The following C12orf56 variants were observed in gnomAD, a reference collection of about 807,000 sequenced individuals.
C12orf56 encodes uncharacterized protein C12orf56.
Under a neutral mutation model 69.9 loss-of-function variants are expected in C12orf56, and 71 were observed. The observed-to-expected ratio is 1.02, with a 90% CI of 0.84 to 1.24. C12orf56 has a LOEUF of 1.24. Among genes scored for constraint, C12orf56 ranks in the 50% most tolerant of loss-of-function variants. The pLI is 0.00. For synonymous variants in C12orf56, 276 were observed against 274.1 expected, an observed-to-expected ratio of 1.01 and a Z score of -0.07; for missense variants, 732 against 738.5, an observed-to-expected ratio of 0.99 and a Z score of 0.10.
chr12:64,347,178 A>G (rs1020182031), intron 2 of C12orf56, among the ~76,000 whole-genome samples: 6 of 151,522 alleles, frequency 4.0e-5, no homozygotes, highest in African/African-American at 1.5e-4. Context: ...GGGTTTTACC[A>G]TGTTGGCCAG....
chr12:64,310,019 T>A (rs1592441043), intron 5 of C12orf56, among the ~76,000 whole-genome samples: 2 of 149,442 alleles, frequency 1.3e-5, no homozygotes, highest in East Asian at 4.0e-4. Context: ...CTTTTTTTTT[T>A]AAATCTCTTT....
chr12:64,342,651 A>G (rs2039089779), intron 2 of C12orf56, among the ~76,000 whole-genome samples: 1 of 152,126 alleles, frequency 6.6e-6, no homozygotes, highest in South Asian at 2.1e-4. Flanking sequence ...GATCCACTTT[A>G]TGGCTAGATG....
At chr12:64,345,639 T>G (rs904166810) in intron 2 of C12orf56, among the ~76,000 whole-genome samples, 2 of 152,204 alleles carry the variant, frequency 1.3e-5, no homozygotes, top group African/African-American at 4.8e-5. Context: ...GCTCTTTCAC[T>G]ATAGGAGATA....
chr12:64,340,800 G>A (rs1431291296), intron 2 of C12orf56, among the ~76,000 whole-genome samples: 2 of 152,152 alleles, frequency 1.3e-5, no homozygotes, highest in African/African-American at 4.8e-5. Context: ...TACCCATTCT[G>A]TATTCTTTTT....
At chr12:64,341,604 C>G (rs1306872199) in intron 2 of C12orf56, among the ~76,000 whole-genome samples, 1 of 152,076 alleles carries the variant, frequency 6.6e-6, no homozygotes, top group Non-Finnish European at 1.5e-5. Flanking sequence ...TGTGGAATAC[C>G]ATGAAGGTGG....
At chr12:64,386,285 C>G (rs996614730) in intron 1 of C12orf56, among the ~76,000 whole-genome samples, 1 of 151,884 alleles carries the variant, frequency 6.6e-6, no homozygotes, top group South Asian at 2.1e-4. Context: ...GCAATCTTGG[C>G]TCACTGCAAC....
At chr12:64,287,068 C>T (rs111901229) in intron 6 of C12orf56, among the ~76,000 whole-genome samples, 2,890 of 152,002 alleles carry the variant, frequency 0.019, 85 homozygotes, top group African/African-American at 0.066. Context: ...AAAACCCCGT[C>T]TCTACTAAAA....
chr12:64,312,847 C>G (rs1283107400), intron 4 of C12orf56, 95 bp from the exon 5 acceptor site: 2 of 870,360 alleles, frequency 2.3e-6, no homozygotes, highest in Non-Finnish European at 3.6e-6. Flanking sequence ...ATTCTTTAAG[C>G]CCTCCTATAG....
intron 2 of C12orf56, 45 bp downstream of exon 2, chr12:64,352,849 C>CT (rs374374909): frequency 0.012 from 15,197 of 1,297,412 alleles, 26 homozygotes; most frequent in Non-Finnish European, 0.013. Flanking sequence ...TATATATATA[C>CT]TTTTTTTTTT....
At chr12:64,350,612 G>A (rs2039209708) in intron 2 of C12orf56, among the ~76,000 whole-genome samples, 1 of 152,130 alleles carries the variant, frequency 6.6e-6, no homozygotes, top group Non-Finnish European at 1.5e-5. Flanking sequence ...GGTGAGTAAA[G>A]AATATCACTT....
intron 5 of C12orf56, among the ~76,000 whole-genome samples, chr12:64,307,387 T>TTTG (rs2038528262): frequency 6.7e-6 from 1 of 149,354 alleles, no homozygotes; most frequent in Admixed American, 6.7e-5. Flanking sequence ...TTTTTTTTTT[T>TTTG]GAGACGGAGT....
At chr12:64,368,378 G>A (rs1166783703) in intron 1 of C12orf56, among the ~76,000 whole-genome samples, 1 of 151,940 alleles carries the variant, frequency 6.6e-6, no homozygotes, top group African/African-American at 2.4e-5. Context: ...CTTGTGTGGT[G>A]GCAAATTTCT....
At chr12:64,308,964 A>G (rs1385667323) in intron 5 of C12orf56, among the ~76,000 whole-genome samples, 1 of 121,594 alleles carries the variant, frequency 8.2e-6, no homozygotes, top group East Asian at 2.3e-4. Flanking sequence ...AGAAAGAAAG[A>G]AAGAAAGAAA....
In C12orf56 at chr12:64,270,607, G is replaced by T. The variant is rs1259816828; in HGVS notation, c.1692C>A (p.Ile564=). Reference sequence around the variant, plus strand: ...TGCTGTGCCGCAGACAGCTCTTGAGGATGTAAAATTGCTGGTACAACAGAA... The same window carrying T: ...TGCTGTGCCGCAGACAGCTCTTGAGTATGTAAAATTGCTGGTACAACAGAA... ...QAVLLYQQFY[I]LKSCLRHSRT... Residue 564 remains isoleucine, a synonymous_variant, in exon 12 of 13, where the codon ATC becomes ATA. Coordinates refer to ENST00000543942, the MANE Select transcript of C12orf56 (RefSeq NM_001170633.2). The T allele has an allele frequency of 1.9e-6, 3 of 1,613,658 alleles. No individual in the cohort carries two copies. The highest frequency in any genetic ancestry group is 2.5e-6 in the Non-Finnish European group (3 of 1,179,802).
chr12:64,337,591 T>C (rs2039012460), intron 2 of C12orf56, among the ~76,000 whole-genome samples: 1 of 152,184 alleles, frequency 6.6e-6, no homozygotes, highest in Admixed American at 6.6e-5. Flanking sequence ...GCACAGTGGC[T>C]CATGCCTGTA....
chr12:64,327,621 C>T (rs1176226038), intron 3 of C12orf56, among the ~76,000 whole-genome samples: 1 of 152,174 alleles, frequency 6.6e-6, no homozygotes, highest in Non-Finnish European at 1.5e-5. Flanking sequence ...TGGTACCACA[C>T]AAATGCCAGT....
chr12:64,339,278 A>C (rs1468218559), intron 2 of C12orf56, among the ~76,000 whole-genome samples: 1 of 152,206 alleles, frequency 6.6e-6, no homozygotes, highest in African/African-American at 2.4e-5. Context: ...GGTAGGGGAA[A>C]AGTCTTTCCT....
intron 9 of C12orf56, among the ~76,000 whole-genome samples, chr12:64,277,292 A>C (rs997289905): frequency 1.3e-5 from 2 of 152,048 alleles, no homozygotes; most frequent in Non-Finnish European, 2.9e-5. Flanking sequence ...GTTAACCCTA[A>C]AATCTCTAAG....
At chr12:64,283,646 CTTTT>C in intron 8 of C12orf56, among the ~76,000 whole-genome samples, 1 of 138,786 alleles carries the variant, frequency 7.2e-6, no homozygotes, top group East Asian at 2.0e-4. Flanking sequence ...GCTTCTCTCT[CTTTT>C]TTTTTTTTTT....
Sources: gnomAD v4.1 joint callset for allele counts (sites outside exome capture counted in the v4.1 genomes callset) on GRCh38, gnomAD v4.1.1 for gene constraint, MANE v1.5 for transcripts, NCBI Gene and HGNC (gene_info 2026-07-23, HGNC 2026-07-21) for gene names.